Variants in SLC44A5 observed in about 807,000 individuals in gnomAD.
The protein encoded by SLC44A5 is choline transporter-like protein 5.
In SLC44A5, 57 loss-of-function variants were observed where a neutral mutation model predicts 101.8. The ratio of observed to expected loss-of-function variants is 0.56; its 90% CI spans 0.45 to 0.70. SLC44A5 has a LOEUF of 0.70. SLC44A5 is among the 30% of genes least tolerant of loss of function. The pLI, the probability that SLC44A5 is intolerant of heterozygous loss-of-function variation, is 0.00. For missense variants in SLC44A5, 737 were observed against 853.1 expected, an observed-to-expected ratio of 0.86 and a Z score of 1.70; for synonymous variants, 281 against 290.9, an observed-to-expected ratio of 0.97 and a Z score of 0.35.
chr1:75,320,293 G>T (rs1656041718), intron 4 of SLC44A5, among the ~76,000 whole-genome samples: 1 of 151,886 alleles, frequency 6.6e-6, no homozygotes, highest in Non-Finnish European at 1.5e-5. Flanking sequence ...AGCAATCAAA[G>T]AAATTTATGA....
the SLC44A5 span, among the ~76,000 whole-genome samples, chr1:75,683,598 G>T: frequency 6.6e-6 from 1 of 152,034 alleles, no homozygotes; most frequent in Non-Finnish European, 1.5e-5. Flanking sequence ...ACTCTCTGGG[G>T]ACTGTTGTGA....
chr1:75,450,145 C>T (rs907712436), intron 2 of SLC44A5, among the ~76,000 whole-genome samples: 12 of 152,130 alleles, frequency 7.9e-5, no homozygotes, highest in African/African-American at 2.9e-4. Context: ...TCCCCCGTGA[C>T]ACCAATTTGC....
chr1:75,446,676 A>G (rs928596065), intron 2 of SLC44A5, among the ~76,000 whole-genome samples: 2 of 151,264 alleles, frequency 1.3e-5, no homozygotes, highest in African/African-American at 4.9e-5. Context: ...ACACACACAC[A>G]TACACACACA....
At chr1:75,492,495 A>C (rs910796337) in intron 2 of SLC44A5, among the ~76,000 whole-genome samples, 1 of 152,226 alleles carries the variant, frequency 6.6e-6, no homozygotes, top group African/African-American at 2.4e-5. Flanking sequence ...AATAAAGATT[A>C]AAAAATGAAA....
chr1:75,286,218 A>G (rs1452105927), intron 5 of SLC44A5, among the ~76,000 whole-genome samples: 3 of 152,154 alleles, frequency 2.0e-5, no homozygotes, highest in Non-Finnish European at 4.4e-5. Flanking sequence ...TTATCATTAT[A>G]TAATATCCCT....
At position 75,203,803 on chromosome 1, in the gene SLC44A5, G is replaced by A. The variant is rs1269945370; in HGVS notation, c.2078C>T (p.Thr693Ile). 6.5e-7 allele frequency: 1 copy of A among 1,549,488 alleles called. No individual in the cohort carries two copies. The highest frequency in any genetic ancestry group is 8.7e-7 in the Non-Finnish European group (1 of 1,145,990). Residue 693 changes from threonine to isoleucine, a missense_variant, in exon 24 of 24, where the codon ACT becomes ATT. Coordinates refer to ENST00000370859, the MANE Select transcript of SLC44A5 (RefSeq NM_001130058.2). Reference sequence around the variant, plus strand: ...TTGACTCACATAATAAGGTCTTGCAGTAGAACCATCATTTCTTTCTAAATC... The same window carrying A: ...TTGACTCACATAATAAGGTCTTGCAATAGAACCATCATTTCTTTCTAAATC... ...LEDLERNDGS[T>I]ARPYYVSQPL... is the part of the protein sequence containing the mutation.
At chr1:75,352,190 CT>C (rs1032873477) in intron 3 of SLC44A5, among the ~76,000 whole-genome samples, 3 of 151,856 alleles carry the variant, frequency 2.0e-5, no homozygotes, top group Non-Finnish European at 4.4e-5. Flanking sequence ...TTCTTTGTCT[CT>C]TTTTTTTCTT....
In SLC44A5 at chr1:75,242,138, T is replaced by C. The variant is rs567723251; in HGVS notation, c.472-77A>G. The C allele has an allele frequency of 2.6e-5, 29 of 1,112,102 alleles. No individual in the cohort carries two copies. The African/African-American group carries it at 3.9e-4, about 15-fold the overall frequency. The allele number at this position is 1,112,102 out of a possible 1,614,324, so 68.9% of individuals were successfully genotyped here. On this transcript the variant is annotated intron_variant, in intron 8 of 23. Coordinates refer to ENST00000370859, the MANE Select transcript of SLC44A5 (RefSeq NM_001130058.2). ...TTATACTGAATCTAAATATGTCCTT[T>C]AAAAAATTTAACTCCATAATAATCT...
chr1:75,281,949 C>T (rs1652629842), intron 5 of SLC44A5, among the ~76,000 whole-genome samples: 1 of 152,142 alleles, frequency 6.6e-6, no homozygotes, highest in Admixed American at 6.6e-5. Flanking sequence ...AATATAAAGT[C>T]AGAACCTCCA....
At chr1:75,289,129 G>A (rs151181370) in intron 5 of SLC44A5, among the ~76,000 whole-genome samples, 44 of 152,216 alleles carry the variant, frequency 2.9e-4, no homozygotes, top group African/African-American at 7.9e-4. Context: ...AAGTTACTGC[G>A]TCTTACATTT....
Position 75,566,425 on chromosome 1 carries a change from G to A in SLC44A5, c.-69-24909C>T, listed in dbSNP as rs545887401. 2.0e-5 allele frequency among the ~76,000 whole-genome samples: 3 copies of A among 152,278 alleles called. No individual in the cohort carries two copies. The South Asian group carries it at 6.2e-4, about 32-fold the overall frequency. ...TTAAAGCAGAATATGTGTTATTTTT[G>A]TTACAGCAATTTTAAGCATTCCTTC... On this transcript the variant is annotated intron_variant, in intron 1 of 23. Transcript: ENST00000370859.
intron 1 of SLC44A5, among the ~76,000 whole-genome samples, chr1:75,554,818 CA>C (rs1344338543): frequency 1.3e-5 from 2 of 151,244 alleles, no homozygotes; most frequent in African/African-American, 2.4e-5. Context: ...GTAGGAAATA[CA>C]AAAAAATAAG....
chr1:75,339,517 C>T (rs1474774912), intron 4 of SLC44A5, 65 bp downstream of exon 4: 1 of 1,315,466 alleles, frequency 7.6e-7, no homozygotes, highest in South Asian at 1.4e-5. Context: ...ACAGTACCTC[C>T]CCCATCCCCC....
At chr1:75,370,329 T>A (rs1352728169) in intron 3 of SLC44A5, among the ~76,000 whole-genome samples, 1 of 152,208 alleles carries the variant, frequency 6.6e-6, no homozygotes, top group African/African-American at 2.4e-5. Flanking sequence ...TTTTTCCAGT[T>A]AAAATAATTT....
intron 4 of SLC44A5, among the ~76,000 whole-genome samples, chr1:75,319,097 T>C (rs868192690): frequency 3.0e-4 from 46 of 152,200 alleles, no homozygotes; most frequent in African/African-American, 8.9e-4. Context: ...TGCTGACATT[T>C]AGATGACAAG....
chr1:75,650,973 T>C, the SLC44A5 span, among the ~76,000 whole-genome samples: 8 of 152,216 alleles, frequency 5.3e-5, no homozygotes, highest in African/African-American at 1.9e-4. Flanking sequence ...CCAGACTGTC[T>C]TTGATACTTC....
At chr1:75,397,136 C>A (rs1440900271) in intron 2 of SLC44A5, among the ~76,000 whole-genome samples, 2 of 152,138 alleles carry the variant, frequency 1.3e-5, no homozygotes, top group Non-Finnish European at 2.9e-5. Flanking sequence ...TACGTGTGGC[C>A]TTTAGCTTTA....
chr1:75,554,409 G>A (rs988051662), intron 1 of SLC44A5, among the ~76,000 whole-genome samples: 8 of 149,860 alleles, frequency 5.3e-5, no homozygotes, highest in Admixed American at 2.7e-4. Context: ...CAGAGGTTGC[G>A]GTGAGCCAAG....
At chr1:75,611,115 G>A (rs1675637797), upstream of SLC44A5, 2 of 984,788 alleles carry the variant, frequency 2.0e-6, no homozygotes, top group Non-Finnish European at 2.4e-6. Context: ...ATTCACTACT[G>A]TGAAAAAAAA....
Sources: gnomAD v4.1 joint callset for allele counts (sites outside exome capture counted in the v4.1 genomes callset) on GRCh38, gnomAD v4.1.1 for gene constraint, MANE v1.5 for transcripts, NCBI Gene and HGNC (gene_info 2026-07-23, HGNC 2026-07-21) for gene names.